IL6ST: variants seen among roughly 807,000 people sequenced by gnomAD.
IL6ST encodes the protein interleukin-6 receptor subunit beta.
IL6ST carries 24 observed loss-of-function variants against 91.3 expected under a neutral mutation model. That is an observed-to-expected ratio of 0.26 (90% CI 0.19 to 0.37). IL6ST has a LOEUF of 0.37. Ranked by LOEUF, IL6ST falls within the 10% of genes least tolerant of loss-of-function variation. The probability of loss-of-function intolerance (pLI) is 1.00; values close to 1 mark genes in which losing one functional copy is unlikely to be tolerated. For missense variants in IL6ST, 914 were observed against 1,078.5 expected, an observed-to-expected ratio of 0.85 and a Z score of 2.14; for synonymous variants, 351 against 373.6, an observed-to-expected ratio of 0.94 and a Z score of 0.70.
intron 14 of IL6ST, 94 bp from the exon 15 acceptor site, chr5:55,947,683 C>G: frequency 1.4e-6 from 1 of 697,608 alleles, no homozygotes; most frequent in Non-Finnish European, 2.4e-6. Context: ...CCCAACCAGA[C>G]TTACTGTTGA....
At position 55,964,311 on chromosome 5, in the gene IL6ST, C is replaced by T. The variant is rs572435166; in HGVS notation, c.493G>A (p.Ala165Thr). ...ETNFTLKSEW[A>T]THKFADCKAK... ...TTGCAATCAGCAAACTTGTGTGTTG[C>T]CCTAAATACAAAAAATTGAAGAATC... The change falls in exon 6 of 17, where the codon GCA (alanine) becomes ACA (threonine). Residue 165 changes from alanine (A) to threonine (T), a missense_variant and splice_region_variant. Transcript: ENST00000381298. 5 of 1,601,470 alleles carry T rather than the reference C, an allele frequency of 3.1e-6. No homozygotes were observed. In the South Asian group the frequency reaches 4.5e-5, roughly 14 times the overall value.
intron 3 of IL6ST, among the ~76,000 whole-genome samples, chr5:55,972,157 A>G (rs780584858): frequency 6.6e-6 from 1 of 152,218 alleles, no homozygotes; most frequent in Non-Finnish European, 1.5e-5. Flanking sequence ...AGTTCTAAAA[A>G]GATATAATTA....
Position 55,947,598 on chromosome 5 carries a change from A to T in IL6ST, c.1841-9T>A, listed in dbSNP as rs1186209883. Reference sequence around the variant, plus strand: ...TTCAATTTCTCCTTGAGCTTAAAAAAAAAAAAAAAAAAAAAAAAAGAGGTG... The same window carrying T: ...TTCAATTTCTCCTTGAGCTTAAAAATAAAAAAAAAAAAAAAAAAAGAGGTG... On this transcript the variant is annotated splice_polypyrimidine_tract_variant and intron_variant, in intron 14 of 16. Coordinates refer to ENST00000381298, the MANE Select transcript of IL6ST (RefSeq NM_002184.4). 1 of 1,345,626 alleles carries T rather than the reference A, an allele frequency of 7.4e-7. No individual in the cohort carries two copies. The highest frequency in any genetic ancestry group is 1.4e-5 in the South Asian group (1 of 70,532). 83.4% of individuals were successfully genotyped at this position (1,345,626 alleles called of 1,614,324 possible).
At chr5:55,961,080 C>G (rs1752285640) in intron 7 of IL6ST, among the ~76,000 whole-genome samples, 1 of 152,180 alleles carries the variant, frequency 6.6e-6, no homozygotes, top group South Asian at 2.1e-4. Context: ...ATTTTATTGA[C>G]ACAAGACTAA....
At chr5:55,981,373 G>C (rs144301576) in intron 2 of IL6ST, among the ~76,000 whole-genome samples, 7 of 152,204 alleles carry the variant, frequency 4.6e-5, no homozygotes, top group Non-Finnish European at 7.4e-5. Flanking sequence ...GGCCGGGTGC[G>C]GTGGCTCATG....
chr5:55,990,031 A>G (rs1410734980), intron 1 of IL6ST, among the ~76,000 whole-genome samples: 1 of 152,180 alleles, frequency 6.6e-6, no homozygotes, highest in African/African-American at 2.4e-5. Flanking sequence ...TCAACCTTAG[A>G]GCAAAGGGTG....
Position 55,938,956 on chromosome 5 carries a change from C to T in IL6ST, c.*2126G>A. The T allele has an allele frequency of 4.9e-6, 1 of 203,690 alleles. No homozygotes were observed. The highest frequency in any genetic ancestry group is 1.9e-4 in the South Asian group (1 of 5,262). The allele number at this position is 203,690 out of a possible 1,614,324, so 12.6% of individuals were successfully genotyped here. On this transcript the variant is annotated 3_prime_UTR_variant, in exon 17 of 17. Coordinates refer to ENST00000381298, the MANE Select transcript of IL6ST (RefSeq NM_002184.4). ...ACATGCAAATTTGTTTATATCATGG[C>T]CTTCAATGATCCTCCATTCTCATTC...
intron 15 of IL6ST, among the ~76,000 whole-genome samples, 177 bp from the exon 16 acceptor site, chr5:55,942,928 A>G (rs572782649): frequency 1.3e-5 from 2 of 152,206 alleles, no homozygotes; most frequent in African/African-American, 4.8e-5. Flanking sequence ...ATAGAAAAAT[A>G]CTGTTGAAAA....
Position 55,939,757 on chromosome 5 carries a change from G to A in IL6ST, c.*1325C>T, listed in dbSNP as rs374917450. The A allele has an allele frequency of 2.3e-4, 48 of 207,982 alleles. No homozygotes were observed. The highest frequency in any genetic ancestry group is 8.8e-5 in the Non-Finnish European group (9 of 101,912). The allele number at this position is 207,982 out of a possible 1,614,324, so 12.9% of individuals were successfully genotyped here. On this transcript the variant is annotated 3_prime_UTR_variant, in exon 17 of 17. Transcript: ENST00000381298. Reference sequence around the variant, plus strand: ...CACTAGCGGCTTTAGCACTAAACTCGAGGCCTGGGTCACTTCTCCCTTGAA... The same window carrying A: ...CACTAGCGGCTTTAGCACTAAACTCAAGGCCTGGGTCACTTCTCCCTTGAA...
At chr5:55,959,597 T>C (rs996582169) in intron 8 of IL6ST, 7 of 1,181,590 alleles carry the variant, frequency 5.9e-6, no homozygotes, top group Admixed American at 4.6e-5. Context: ...ATATTATCTA[T>C]AGGAGAAAAA....
rs1017944516 is a variant in IL6ST at position 55,962,904 on chromosome 5, C to T, written c.813+448G>A. 2.6e-5 allele frequency among the ~76,000 whole-genome samples: 4 copies of T among 151,986 alleles called. No individual in the cohort carries two copies. In the East Asian group the frequency reaches 7.7e-4, roughly 29 times the overall value. ...CCAAGGTAGGAGAATCGCTTAAGGC[C>T]AGGAGTTTGAGACCATCCTGGGCAA... On this transcript the variant is annotated intron_variant, in intron 7 of 16. Coordinates refer to ENST00000381298, the MANE Select transcript of IL6ST (RefSeq NM_002184.4).
intron 7 of IL6ST, among the ~76,000 whole-genome samples, chr5:55,961,984 T>C (rs1348520926): frequency 2.6e-5 from 4 of 152,030 alleles, no homozygotes; most frequent in African/African-American, 7.3e-5. Context: ...AAGGAAGATA[T>C]CCAGCCCAAT....
chr5:55,941,844 T>C, intron 16 of IL6ST, 25 bp from the exon 17 acceptor site: 1 of 1,580,350 alleles, frequency 6.3e-7, no homozygotes, highest in Non-Finnish European at 8.6e-7. Context: ...AAATTGTATA[T>C]GGCAAGTATT....
intron 14 of IL6ST, among the ~76,000 whole-genome samples, chr5:55,951,207 A>G (rs1027667442): frequency 1.3e-5 from 2 of 152,212 alleles, no homozygotes; most frequent in Admixed American, 6.5e-5. Flanking sequence ...CAGTGAAAAA[A>G]ATGAACCCAC....
Position 55,940,085 on chromosome 5 carries a change from A to G in IL6ST, c.*997T>C, listed in dbSNP as rs1750790037. ...AAGATATATACTGTATAAAGTGTTC[A>G]TCTACCCAGTACTCTGAAGTCTTAA... is the stretch of plus-strand genomic sequence containing the variant. On this transcript the variant is annotated 3_prime_UTR_variant, in exon 17 of 17. Transcript: ENST00000381298. 1 of 197,204 alleles carries G rather than the reference A, an allele frequency of 5.1e-6. No individual in the cohort carries two copies. Among genetic ancestry groups the G allele is most frequent in the Admixed American group, 6.0e-5 (1 of 16,582 alleles). The allele number at this position is 197,204 out of a possible 1,614,324, so 12.2% of individuals were successfully genotyped here.
chr5:55,977,699 G>A (rs879891288), intron 2 of IL6ST, among the ~76,000 whole-genome samples: 27 of 152,218 alleles, frequency 1.8e-4, no homozygotes, highest in Middle Eastern at 6.8e-3. Context: ...GGTGGCGGGT[G>A]TCTGTGATGC....
intron 7 of IL6ST, 103 bp from the exon 8 acceptor site, chr5:55,960,664 G>A: frequency 1.9e-6 from 2 of 1,077,422 alleles, no homozygotes. Flanking sequence ...GCCTTGCTCT[G>A]TTGCCCAGGT....
In IL6ST at chr5:55,941,356, A is replaced by T; in HGVS notation, c.2483T>A (p.Ile828Asn). The change falls in exon 17 of 17, where the codon ATT becomes AAT. Residue 828 changes from isoleucine to asparagine, a missense_variant. Ile to Asn is a moderately radical substitution (Grantham distance 149). Coordinates refer to ENST00000381298, the MANE Select transcript of IL6ST (RefSeq NM_002184.4). Reference sequence around the variant, plus strand: ...TTGCTTTGACCTTTCAAAATGTGAAATATCTGGACTGGATTCATGCTGACT... The same window carrying T: ...TTGCTTTGACCTTTCAAAATGTGAATTATCTGGACTGGATTCATGCTGACT... ...NCSQHESSPD[I>N]SHFERSKQVS... is the part of the protein sequence containing the mutation. The T allele has an allele frequency of 6.2e-7, 1 of 1,614,120 alleles. No homozygotes were observed. The highest frequency in any genetic ancestry group is 8.5e-7 in the Non-Finnish European group (1 of 1,180,004).
chr5:55,992,343 A>T (rs950507829), intron 1 of IL6ST, among the ~76,000 whole-genome samples: 5 of 152,200 alleles, frequency 3.3e-5, no homozygotes, highest in Admixed American at 6.5e-5. Flanking sequence ...ATGGAGACGC[A>T]GGATGTATCA....
Sources: allele counts gnomAD v4.1 joint callset (sites outside exome capture counted in the v4.1 genomes callset), GRCh38; gene constraint gnomAD v4.1.1; transcripts MANE v1.5; gene names NCBI Gene and HGNC (gene_info 2026-07-23, HGNC 2026-07-21).